The following VAPA variants were observed in gnomAD, a reference collection of about 807,000 sequenced individuals.
VAPA encodes vesicle-associated membrane protein-associated protein A.
In VAPA, 6 loss-of-function variants were observed where a neutral mutation model predicts 25.6. The ratio of observed to expected loss-of-function variants is 0.23; its 90% CI spans 0.13 to 0.46. The LOEUF (loss-of-function observed/expected upper bound fraction) is 0.46, where lower values mean the gene tolerates loss of function less well. VAPA is among the 20% of genes least tolerant of loss of function. The pLI is 0.99. For missense variants in VAPA, 244 were observed against 302.1 expected (o/e 0.81, Z 1.43); for synonymous variants, 112 against 106.2 (o/e 1.05, Z -0.34).
At chr18:9,932,520 C>T (rs1447140162) in intron 2 of VAPA, among the ~76,000 whole-genome samples, 1 of 152,244 alleles carries the variant, frequency 6.6e-6, no homozygotes, top group Non-Finnish European at 1.5e-5. Flanking sequence ...GGATTACTTA[C>T]TCCTGCTGTG....
At chr18:9,933,375 C>T (rs1031129055) in intron 2 of VAPA, among the ~76,000 whole-genome samples, 1 of 151,982 alleles carries the variant, frequency 6.6e-6, no homozygotes, top group Non-Finnish European at 1.5e-5. Flanking sequence ...GTGAGTCTTG[C>T]GGTAAGGAGG....
At chr18:9,935,774 A>T (rs886472194) in intron 2 of VAPA, among the ~76,000 whole-genome samples, 3 of 152,224 alleles carry the variant, frequency 2.0e-5, no homozygotes, top group Non-Finnish European at 2.9e-5. Context: ...TCACAAGCTG[A>T]GTTTAGAAAG....
intron 1 of VAPA, 152 bp from the exon 2 acceptor site, chr18:9,931,658 G>T (rs1240006570): frequency 7.5e-6 from 4 of 533,550 alleles, no homozygotes; most frequent in African/African-American, 5.9e-5. Flanking sequence ...CTGCCACCTC[G>T]AGAAAGGCAG....
chr18:9,930,117 G>C (rs1405894721), intron 1 of VAPA, among the ~76,000 whole-genome samples: 1 of 151,712 alleles, frequency 6.6e-6, no homozygotes, highest in African/African-American at 2.4e-5. Context: ...TTGGATAATT[G>C]GTACTTTTTA....
rs1426508312 is a variant in VAPA at position 9,957,040 on chromosome 18, T to C, written c.*2829T>C. 1.7e-4 allele frequency: 10 copies of C among 60,490 alleles called. No individual in the cohort carries two copies. The highest frequency in any genetic ancestry group is 1.2e-3 in the Admixed American group (6 of 5,110). 3.7% of individuals were successfully genotyped at this position (60,490 alleles called of 1,614,324 possible). The stretch of plus-strand genomic sequence containing the variant: ...CGATCAAAGAAAAGTAATTCTTTCT[T>C]TTTTTTTTTGAGACAGAGTCTTGCT... On this transcript the variant is annotated 3_prime_UTR_variant, in exon 6 of 6. Coordinates refer to ENST00000400000, the MANE Select transcript of VAPA (RefSeq NM_194434.3).
At chr18:9,953,824 G>A (rs1167130227) in intron 5 of VAPA, among the ~76,000 whole-genome samples, 1 of 152,198 alleles carries the variant, frequency 6.6e-6, no homozygotes, top group African/African-American at 2.4e-5. Flanking sequence ...CCCACTGTGA[G>A]TGTACAATTC....
intron 5 of VAPA, among the ~76,000 whole-genome samples, chr18:9,951,565 A>G (rs1436322539): frequency 6.6e-6 from 1 of 152,228 alleles, no homozygotes; most frequent in African/African-American, 2.4e-5. Context: ...ATGGCGAAGG[A>G]GGACTGATTT....
Position 9,954,269 on chromosome 18 carries a change from T to G in VAPA, c.*58T>G. On this transcript the variant is annotated 3_prime_UTR_variant, in exon 6 of 6. Transcript: ENST00000400000. ...TTTTTTCTCTTGACCAGAAAAAGAT[T>G]TGTTTACCTACCATTTCATTGGTAG... 1.3e-6 allele frequency: 2 copies of G among 1,487,476 alleles called. No individual in the cohort carries two copies. Among genetic ancestry groups the G allele is most frequent in the Non-Finnish European group, 1.8e-6 (2 of 1,097,418 alleles). 92.1% of individuals were successfully genotyped at this position (1,487,476 alleles called of 1,614,324 possible).
chr18:9,944,669 G>A (rs908020206), intron 4 of VAPA, among the ~76,000 whole-genome samples: 2 of 152,208 alleles, frequency 1.3e-5, no homozygotes, highest in African/African-American at 4.8e-5. Flanking sequence ...TTTTAATAAA[G>A]TATGTACATT....
In VAPA at chr18:9,954,049, C is replaced by T. The variant is rs769597876; in HGVS notation, c.592-4C>T. 9 of 1,610,950 alleles carry T rather than the reference C, an allele frequency of 5.6e-6. No homozygotes were observed. In the African/African-American group the frequency reaches 9.4e-5, roughly 17 times the overall value. ...AACCTTTTGTGTGTGTGTTTTTTTT[C>T]TAGGATGAAGGTTTAAGGCTCAGAA... On this transcript the variant is annotated splice_polypyrimidine_tract_variant and splice_region_variant and intron_variant, in intron 5 of 5. Coordinates refer to ENST00000400000, the MANE Select transcript of VAPA (RefSeq NM_194434.3).
chr18:9,915,368 A>G (rs1383411649), intron 1 of VAPA, among the ~76,000 whole-genome samples: 1 of 152,190 alleles, frequency 6.6e-6, no homozygotes, highest in Non-Finnish European at 1.5e-5. Flanking sequence ...GAAGAATCCC[A>G]GGGGCTTTTG....
chr18:9,916,087 G>A (rs570472122), intron 1 of VAPA, among the ~76,000 whole-genome samples: 2 of 152,098 alleles, frequency 1.3e-5, no homozygotes, highest in Non-Finnish European at 2.9e-5. Flanking sequence ...GGATTTATAA[G>A]CCTTTACAAC....
chr18:9,945,205 A>C, intron 4 of VAPA: 2 of 1,015,634 alleles, frequency 2.0e-6, no homozygotes, highest in Non-Finnish European at 2.8e-6. Context: ...TAAAACTACA[A>C]AGCACTTAAA....
rs766947247 is a variant in VAPA, at chr18:9,954,034, G to T, written c.592-19G>T. 1.9e-5 allele frequency: 30 copies of T among 1,612,700 alleles called. No individual in the cohort carries two copies. Among genetic ancestry groups the T allele is most frequent in the Non-Finnish European group, 2.1e-5 (25 of 1,179,692 alleles). The stretch of plus-strand genomic sequence containing the variant: ...ATGCTTGTTTTTAAAAACCTTTTGT[G>T]TGTGTGTTTTTTTTCTAGGATGAAG... On this transcript the variant is annotated intron_variant, in intron 5 of 5. Transcript: ENST00000400000.
Position 9,914,325 on chromosome 18 carries a change from C to T in VAPA, c.69C>T (p.Leu23=), listed in dbSNP as rs769650326. 3 of 1,582,262 alleles carry T rather than the reference C, an allele frequency of 1.9e-6. No homozygotes were observed. Among genetic ancestry groups the T allele is most frequent in the Non-Finnish European group, 2.6e-6 (3 of 1,166,088 alleles). Reference sequence around the variant, plus strand: ...TGGTCCTCGATCCGCCCACAGACCTCAAATTCAAAGGTAGGCAGAACGGGG... The same window carrying T: ...TGGTCCTCGATCCGCCCACAGACCTTAAATTCAAAGGTAGGCAGAACGGGG... The part of the protein sequence containing the change: ...QILVLDPPTD[L]KFKGPFTDVV... The change falls in exon 1 of 6, where the codon CTC becomes CTT. Residue 23 remains leucine, a synonymous_variant. Coordinates refer to ENST00000400000, the MANE Select transcript of VAPA (RefSeq NM_194434.3).
chr18:9,932,627 A>G (rs1314678689), intron 2 of VAPA, among the ~76,000 whole-genome samples: 1 of 152,200 alleles, frequency 6.6e-6, no homozygotes, highest in African/African-American at 2.4e-5. Context: ...AATAGGAAAT[A>G]GGAAGTAAAT....
At chr18:9,945,416 A>C (rs1283960311) in intron 4 of VAPA, among the ~76,000 whole-genome samples, 1 of 116,486 alleles carries the variant, frequency 8.6e-6, no homozygotes, top group South Asian at 2.9e-4. Context: ...GCTGGAGTGC[A>C]TGGCACAATT....
chr18:9,953,505 A>G (rs565854409), intron 5 of VAPA, among the ~76,000 whole-genome samples: 84 of 152,216 alleles, frequency 5.5e-4, no homozygotes, highest in Admixed American at 2.0e-3. Flanking sequence ...GTGATACCAT[A>G]TCTCTGTTTA....
chr18:9,949,724 T>G (rs1222079887), intron 4 of VAPA: 1 of 152,306 alleles, frequency 6.6e-6, no homozygotes, highest in Non-Finnish European at 1.5e-5. Context: ...GAAGAATACA[T>G]AGGTGCTGTC....
Sources: allele counts gnomAD v4.1 joint callset (sites outside exome capture counted in the v4.1 genomes callset), GRCh38; gene constraint gnomAD v4.1.1; transcripts MANE v1.5; gene names NCBI Gene and HGNC (gene_info 2026-07-23, HGNC 2026-07-21).